SCHIP1: variants seen among roughly 807,000 people sequenced by gnomAD.
SCHIP1 encodes schwannomin interacting protein 1, also known as schwannomin-interacting protein 1.
A neutral mutation model predicts 29.7 loss-of-function variants in SCHIP1; 8 were observed. The observed-to-expected ratio is 0.27, with a 90% CI of 0.16 to 0.49. The LOEUF (loss-of-function observed/expected upper bound fraction) is 0.49, where lower values mean the gene tolerates loss of function less well. SCHIP1 is among the 20% of genes least tolerant of loss of function. SCHIP1 has a pLI of 0.99. For synonymous variants in SCHIP1, 76 were observed against 94.9 expected (o/e 0.80, Z 1.16); for missense variants, 193 against 294.6 (o/e 0.66, Z 2.52).
chr3:159,655,139 AC>A, the SCHIP1 span, among the ~76,000 whole-genome samples: 1 of 152,144 alleles, frequency 6.6e-6, no homozygotes, highest in Non-Finnish European at 1.5e-5. Context: ...AATTCTCTAA[AC>A]TTACTTCATA....
At chr3:159,584,187 C>G in the SCHIP1 span, among the ~76,000 whole-genome samples, 1 of 152,042 alleles carries the variant, frequency 6.6e-6, no homozygotes, top group East Asian at 1.9e-4. Flanking sequence ...GTCAAAAAAC[C>G]CTTTTGTTAT....
At chr3:159,459,918 A>C in the SCHIP1 span, among the ~76,000 whole-genome samples, 8 of 152,158 alleles carry the variant, frequency 5.3e-5, no homozygotes, top group Non-Finnish European at 1.2e-4. Flanking sequence ...CCTCAGAAGA[A>C]ACCAATCCTG....
chr3:159,400,649 T>C, the SCHIP1 span, among the ~76,000 whole-genome samples: 1 of 152,222 alleles, frequency 6.6e-6, no homozygotes, highest in East Asian at 1.9e-4. Flanking sequence ...TGTGGTGTCC[T>C]CTGCTTACCA....
At chr3:159,874,486 G>A (rs1479262588) in intron 2 of SCHIP1, among the ~76,000 whole-genome samples, 1 of 152,158 alleles carries the variant, frequency 6.6e-6, no homozygotes, top group Non-Finnish European at 1.5e-5. Flanking sequence ...TTTGTGTTTG[G>A]GCTGGAGGGC....
At chr3:159,455,652 A>G in the SCHIP1 span, among the ~76,000 whole-genome samples, 1 of 152,256 alleles carries the variant, frequency 6.6e-6, no homozygotes, top group African/African-American at 2.4e-5. Context: ...TCAAGCTGAC[A>G]TGAAAATAAT....
chr3:159,677,799 C>A, the SCHIP1 span, among the ~76,000 whole-genome samples: 2,012 of 152,266 alleles, frequency 0.013, 31 homozygotes, highest in African/African-American at 0.032. Context: ...TTAATGAACA[C>A]AGAGAATTCT....
At chr3:159,279,273 C>T in the SCHIP1 span, among the ~76,000 whole-genome samples, 1 of 152,164 alleles carries the variant, frequency 6.6e-6, no homozygotes, top group Non-Finnish European at 1.5e-5. Flanking sequence ...TTCCCCTGCA[C>T]ACACGCTCTT....
intron 2 of SCHIP1, among the ~76,000 whole-genome samples, chr3:159,885,430 G>A (rs761427007): frequency 9.2e-5 from 14 of 152,222 alleles, no homozygotes; most frequent in Non-Finnish European, 1.9e-4. Context: ...CCTGGCCTGC[G>A]AGTGGCAGCT....
chr3:159,788,146 G>A, the SCHIP1 span, among the ~76,000 whole-genome samples: 1 of 151,970 alleles, frequency 6.6e-6, no homozygotes, highest in Non-Finnish European at 1.5e-5. Flanking sequence ...CACAGAGGGT[G>A]TGACGTGGGA....
the SCHIP1 span, among the ~76,000 whole-genome samples, chr3:159,476,615 A>G: frequency 6.6e-6 from 1 of 152,214 alleles, no homozygotes; most frequent in Non-Finnish European, 1.5e-5. Context: ...CCATTAAAAA[A>G]TGGAAATACA....
the SCHIP1 span, among the ~76,000 whole-genome samples, chr3:159,782,644 A>G: frequency 3.9e-5 from 6 of 152,202 alleles, no homozygotes; most frequent in Non-Finnish European, 7.3e-5. Context: ...AATCCATGCA[A>G]TCTTAAGTCT....
the SCHIP1 span, among the ~76,000 whole-genome samples, chr3:159,718,767 T>C: frequency 1.3e-5 from 2 of 152,178 alleles, no homozygotes; most frequent in African/African-American, 4.8e-5. Flanking sequence ...TCCATGCTCA[T>C]AGATAGGAAG....
chr3:159,843,006 T>C (rs1410472279), intron 1 of SCHIP1, among the ~76,000 whole-genome samples: 2 of 42,404 alleles, frequency 4.7e-5, no homozygotes, highest in African/African-American at 1.7e-4. Flanking sequence ...TCTTTCTTTT[T>C]TTTTTTTTTT....
At chr3:159,870,229 A>G (rs1715112408) in intron 2 of SCHIP1, among the ~76,000 whole-genome samples, 1 of 151,892 alleles carries the variant, frequency 6.6e-6, no homozygotes, top group African/African-American at 2.4e-5. Context: ...TCTTTGTCTT[A>G]TTGGATTGGC....
At chr3:159,318,507 C>T in the SCHIP1 span, among the ~76,000 whole-genome samples, 5 of 152,220 alleles carry the variant, frequency 3.3e-5, no homozygotes, top group South Asian at 8.3e-4. Flanking sequence ...TCAGGGATGT[C>T]CTGGAAAGGG....
chr3:159,649,728 A>G, the SCHIP1 span, among the ~76,000 whole-genome samples: 1 of 152,268 alleles, frequency 6.6e-6, no homozygotes, highest in Non-Finnish European at 1.5e-5. Context: ...TGATGGAGAG[A>G]TTTCCATTGG....
chr3:159,408,090 A>G, the SCHIP1 span, among the ~76,000 whole-genome samples: 1 of 152,098 alleles, frequency 6.6e-6, no homozygotes, highest in Non-Finnish European at 1.5e-5. Flanking sequence ...CGAGGTCAGG[A>G]GATCGAGACC....
the SCHIP1 span, among the ~76,000 whole-genome samples, chr3:159,464,475 A>C: frequency 1.3e-5 from 2 of 152,208 alleles, no homozygotes; most frequent in South Asian, 4.1e-4. Context: ...CTGACTTCTT[A>C]GATTTTGAAA....
chr3:159,619,943 G>A, the SCHIP1 span, among the ~76,000 whole-genome samples: 2 of 152,196 alleles, frequency 1.3e-5, no homozygotes, highest in Admixed American at 1.3e-4. Context: ...TCTTTACCAA[G>A]TAGTAAAAGC....
Sources: allele counts gnomAD v4.1 joint callset (sites outside exome capture counted in the v4.1 genomes callset), GRCh38; gene constraint gnomAD v4.1.1; transcripts MANE v1.5; gene names NCBI Gene and HGNC (gene_info 2026-07-23, HGNC 2026-07-21).